The following CCDC141 variants were observed in gnomAD, a reference collection of about 807,000 sequenced individuals.
CCDC141 encodes the protein coiled-coil domain-containing protein 141.
CCDC141 carries 168 observed loss-of-function variants against 181.0 expected under a neutral mutation model. The ratio of observed to expected loss-of-function variants is 0.93; its 90% CI spans 0.82 to 1.05. CCDC141 has a LOEUF of 1.05. CCDC141 is among the 50% of genes least tolerant of loss of function. The pLI is 0.00. For synonymous variants in CCDC141, 666 were observed against 642.3 expected, an observed-to-expected ratio of 1.04 and a Z score of -0.56; for missense variants, 1,902 against 1,788.5, an observed-to-expected ratio of 1.06 and a Z score of -1.14.
In CCDC141 at chr2:178,830,415, T is replaced by C. The variant is rs992559676; in HGVS notation, c.*3758A>G. On this transcript the variant is annotated 3_prime_UTR_variant, in exon 24 of 24. Coordinates refer to ENST00000443758, the MANE Select transcript of CCDC141 (RefSeq NM_173648.4). ...TGAGTGCTTCATTGTTAGGGCCTGA[T>C]TCGGATTGACTCCTGTCTATAAGAA... is the stretch of plus-strand genomic sequence containing the variant. 4 of 152,202 alleles carry C rather than the reference T, an allele frequency of 2.6e-5. No homozygotes were observed. The highest frequency in any genetic ancestry group is 5.9e-5 in the Non-Finnish European group (4 of 68,040). The allele number at this position is 152,202 out of a possible 1,614,324, so 9.4% of individuals were successfully genotyped here.
chr2:179,006,803 G>C lies in CCDC141; in HGVS notation c.226-28128C>G, dbSNP rs145321859. On this transcript the variant is annotated intron_variant, in intron 2 of 23. Transcript: ENST00000443758. ...AAATTTGTTTTTGCCATTAAAGACTGATTTTTCTTTCTACATTAAACATAT... is the reference window on the plus strand; with the variant it reads ...AAATTTGTTTTTGCCATTAAAGACTCATTTTTCTTTCTACATTAAACATAT... 4.3e-3 allele frequency among the ~76,000 whole-genome samples: 653 copies of C among 152,250 alleles called. 2 individuals carry two copies. Among genetic ancestry groups the C allele is most frequent in the African/African-American group, 0.015 (628 of 41,552 alleles).
chr2:178,983,160 G>C, intron 2 of CCDC141, among the ~76,000 whole-genome samples: 1 of 152,172 alleles, frequency 6.6e-6, no homozygotes, highest in Admixed American at 6.5e-5. Flanking sequence ...CCTGACCCCT[G>C]ACCCCCGACC....
chr2:179,030,199 AAATT>A (rs1031717347), intron 2 of CCDC141, among the ~76,000 whole-genome samples: 22 of 152,234 alleles, frequency 1.4e-4, no homozygotes, highest in African/African-American at 4.6e-4. Flanking sequence ...ATTTATAAAT[AAATT>A]AATACCAAAA....
intron 4 of CCDC141, among the ~76,000 whole-genome samples, chr2:178,968,873 T>C (rs1366255746): frequency 6.6e-6 from 1 of 150,516 alleles, no homozygotes; most frequent in Non-Finnish European, 1.5e-5. Flanking sequence ...AAGAATGAAA[T>C]AGGCACAATA....
At chr2:178,851,154 C>T (rs1271278526) in intron 20 of CCDC141, among the ~76,000 whole-genome samples, 3 of 148,538 alleles carry the variant, frequency 2.0e-5, no homozygotes, top group Non-Finnish European at 4.4e-5. Flanking sequence ...TTCAGTGAAC[C>T]GAGATCATGC....
Position 179,003,124 on chromosome 2 carries a change from T to A in CCDC141, c.226-24449A>T, listed in dbSNP as rs187579153. ...TTATATTAACTTTCTAAAATAAAATTGAAAATTTTTCTTCTCATGAAAAGG... is the reference window on the plus strand; with the variant it reads ...TTATATTAACTTTCTAAAATAAAATAGAAAATTTTTCTTCTCATGAAAAGG... On this transcript the variant is annotated intron_variant, in intron 2 of 23. Transcript: ENST00000443758. 2.8e-3 allele frequency among the ~76,000 whole-genome samples: 422 copies of A among 152,298 alleles called. 4 individuals are homozygous for A. Among genetic ancestry groups the A allele is most frequent in the African/African-American group, 9.6e-3 (400 of 41,570 alleles).
intron 6 of CCDC141, among the ~76,000 whole-genome samples, chr2:178,924,529 C>A (rs1282810355): frequency 2.0e-5 from 3 of 151,902 alleles, no homozygotes; most frequent in African/African-American, 7.3e-5. Context: ...TGAAGAGTGG[C>A]ATTGAGCCCT....
At chr2:179,013,981 AAAAAAAG>A (rs2042351438) in intron 2 of CCDC141, among the ~76,000 whole-genome samples, 1 of 148,898 alleles carries the variant, frequency 6.7e-6, no homozygotes, top group African/African-American at 2.5e-5. Flanking sequence ...AAAAAAAAAA[AAAAAAAG>A]GACAAATCTA....
At chr2:178,863,213 A>G (rs191741229) in intron 17 of CCDC141, among the ~76,000 whole-genome samples, 50 of 152,338 alleles carry the variant, frequency 3.3e-4, no homozygotes, top group South Asian at 6.2e-4. Flanking sequence ...CATAACATGA[A>G]AGTCATATGC....
the CCDC141 span, among the ~76,000 whole-genome samples, chr2:178,820,375 C>A: frequency 1.3e-5 from 2 of 152,058 alleles, no homozygotes; most frequent in South Asian, 4.1e-4. Context: ...TAAGTTCACG[C>A]TCAGGGTGGT....
At chr2:178,961,569 T>C (rs1025461376) in intron 4 of CCDC141, 86 bp from the exon 5 acceptor site, 1 of 1,060,224 alleles carries the variant, frequency 9.4e-7, no homozygotes, top group East Asian at 2.6e-5. Context: ...ATTTAAAATA[T>C]ATGTAATTTT....
chr2:178,970,781 A>G lies in CCDC141; in HGVS notation c.526+4276T>C, dbSNP rs184344048. On this transcript the variant is annotated intron_variant, in intron 4 of 23. Transcript: ENST00000443758. ...CAAAATACACAAATGGGATCTAATT[A>G]AACTAAAGAACTTCTGCACAGCAAA... 2.1e-3 allele frequency among the ~76,000 whole-genome samples: 327 copies of G among 152,370 alleles called. 5 individuals carry two copies. Among genetic ancestry groups the G allele is most frequent in the Non-Finnish European group, 4.3e-4 (29 of 68,034 alleles).
chr2:179,001,428 G>A (rs541772823), intron 2 of CCDC141, among the ~76,000 whole-genome samples: 1 of 152,250 alleles, frequency 6.6e-6, no homozygotes, highest in East Asian at 1.9e-4. Flanking sequence ...AATGAACTGT[G>A]GAGTCAATAT....
the CCDC141 span, among the ~76,000 whole-genome samples, chr2:178,823,501 T>G: frequency 6.6e-6 from 1 of 152,264 alleles, no homozygotes; most frequent in Admixed American, 6.5e-5. Context: ...TTAGTAACCT[T>G]AAGATATGAG....
intron 4 of CCDC141, among the ~76,000 whole-genome samples, chr2:178,963,833 C>T (rs1447043075): frequency 6.6e-6 from 1 of 152,020 alleles, no homozygotes; most frequent in Non-Finnish European, 1.5e-5. Flanking sequence ...GATTATGTTC[C>T]CTGGGCAATT....
chr2:178,958,702 A>T (rs977234037), intron 5 of CCDC141, among the ~76,000 whole-genome samples: 2 of 44,680 alleles, frequency 4.5e-5, no homozygotes, highest in African/African-American at 6.3e-5. Context: ...TTTTCAGGTG[A>T]TTTTTTCCCC....
At chr2:178,901,862 T>C (rs1245205951) in intron 8 of CCDC141, among the ~76,000 whole-genome samples, 6 of 152,180 alleles carry the variant, frequency 3.9e-5, no homozygotes, top group South Asian at 2.1e-4. Context: ...AAAACCCCAT[T>C]GTCTCAGCCC....
chr2:178,888,575 A>G lies in CCDC141; in HGVS notation c.1359T>C (p.Ala453=). The G allele has an allele frequency of 6.4e-7, 1 of 1,550,564 alleles. No individual in the cohort carries two copies. The highest frequency in any genetic ancestry group is 1.2e-5 in the South Asian group (1 of 84,056). The part of the protein sequence containing the change: ...TEQCSAHKEY[A]LKKQQLTASV... ...AGGCTGTTAGTTGTTGTTTCTTAAGAGCATATTCCTTGTGCGCTGAACACT... is the reference window on the plus strand; with the variant it reads ...AGGCTGTTAGTTGTTGTTTCTTAAGGGCATATTCCTTGTGCGCTGAACACT... Residue 453 remains alanine (A), a synonymous_variant, in exon 9 of 24, where the codon GCT becomes GCC. Coordinates refer to ENST00000443758, the MANE Select transcript of CCDC141 (RefSeq NM_173648.4).
At chr2:179,000,836 T>G (rs1189927098) in intron 2 of CCDC141, among the ~76,000 whole-genome samples, 1 of 152,216 alleles carries the variant, frequency 6.6e-6, no homozygotes, top group African/African-American at 2.4e-5. Context: ...ATTGCTACAT[T>G]GTTCTCCAGA....
Sources: gnomAD v4.1 joint callset for allele counts (sites outside exome capture counted in the v4.1 genomes callset) on GRCh38, gnomAD v4.1.1 for gene constraint, MANE v1.5 for transcripts, NCBI Gene and HGNC (gene_info 2026-07-23, HGNC 2026-07-21) for gene names.